The following SLC35F1 variants were observed in gnomAD, a reference collection of about 807,000 sequenced individuals.
SLC35F1 encodes the protein chromosome 6 open reading frame 169.
Under a neutral mutation model 48.7 loss-of-function variants are expected in SLC35F1, and 14 were observed. The observed-to-expected ratio is 0.29, with a 90% CI of 0.19 to 0.45. SLC35F1 has a LOEUF of 0.45. SLC35F1 is among the 20% of genes least tolerant of loss of function. The pLI is 1.00. For synonymous variants in SLC35F1, 190 were observed against 202.2 expected (o/e 0.94, Z 0.51); for missense variants, 404 against 500.0 (o/e 0.81, Z 1.83).
intron 2 of SLC35F1, among the ~76,000 whole-genome samples, chr6:118,200,529 G>T (rs1335734070): frequency 1.3e-5 from 2 of 152,062 alleles, no homozygotes; most frequent in Non-Finnish European, 2.9e-5. Flanking sequence ...TCATACCAGG[G>T]TTAAGTAATA....
chr6:118,213,320 T>G (rs1021688773), intron 2 of SLC35F1, among the ~76,000 whole-genome samples: 14 of 152,294 alleles, frequency 9.2e-5, no homozygotes, highest in Non-Finnish European at 2.1e-4. Flanking sequence ...ATTATCCTCT[T>G]TGTTTGTTGT....
At chr6:117,933,656 G>C (rs1776129494) in intron 1 of SLC35F1, among the ~76,000 whole-genome samples, 1 of 152,170 alleles carries the variant, frequency 6.6e-6, no homozygotes, top group African/African-American at 2.4e-5. Flanking sequence ...CTGCTTTTGT[G>C]CTCTGATTGC....
intron 1 of SLC35F1, among the ~76,000 whole-genome samples, chr6:118,131,445 T>C (rs1172554645): frequency 6.6e-6 from 1 of 152,190 alleles, no homozygotes; most frequent in African/African-American, 2.4e-5. Flanking sequence ...GCCATTAAGT[T>C]ATAATAACAT....
intron 2 of SLC35F1, among the ~76,000 whole-genome samples, chr6:118,227,534 TA>T (rs1344728755): frequency 6.6e-6 from 1 of 152,244 alleles, no homozygotes; most frequent in African/African-American, 2.4e-5. Context: ...TTTTCCATAG[TA>T]CTCAGCTTAA....
intron 6 of SLC35F1, among the ~76,000 whole-genome samples, chr6:118,279,589 A>G (rs1582767135): frequency 6.6e-6 from 1 of 152,236 alleles, no homozygotes; most frequent in Non-Finnish European, 1.5e-5. Flanking sequence ...CAATGGCAGG[A>G]GACTTTAAGC....
chr6:118,234,620 G>A (rs1391114903), intron 2 of SLC35F1, among the ~76,000 whole-genome samples: 2 of 152,138 alleles, frequency 1.3e-5, no homozygotes, highest in Non-Finnish European at 2.9e-5. Flanking sequence ...AAAACTGCGA[G>A]ATAATCAGTA....
intron 2 of SLC35F1, among the ~76,000 whole-genome samples, chr6:118,193,972 TA>T (rs942351707): frequency 6.6e-6 from 1 of 152,244 alleles, no homozygotes; most frequent in African/African-American, 2.4e-5. Context: ...TCACATGAAC[TA>T]AAAGCCATTA....
intron 7 of SLC35F1, among the ~76,000 whole-genome samples, chr6:118,297,312 T>G (rs1776198408): frequency 6.6e-6 from 1 of 152,178 alleles, no homozygotes; most frequent in African/African-American, 2.4e-5. Context: ...CTGAATTTAT[T>G]TTGATTAATC....
intron 1 of SLC35F1, among the ~76,000 whole-genome samples, chr6:117,923,630 T>TATGTATATATAC (rs1562238543): frequency 4.4e-5 from 4 of 90,822 alleles, no homozygotes; most frequent in East Asian, 3.1e-4. Context: ...TATATATACA[T>TATGTATATATAC]ATATGTACAT....
At chr6:118,263,467 A>G (rs968102137) in intron 3 of SLC35F1, among the ~76,000 whole-genome samples, 1 of 152,228 alleles carries the variant, frequency 6.6e-6, no homozygotes. Context: ...GAAAAAAGGA[A>G]TCTATGTAAA....
At chr6:118,089,948 A>C (rs1213265682) in intron 1 of SLC35F1, among the ~76,000 whole-genome samples, 1 of 152,236 alleles carries the variant, frequency 6.6e-6, no homozygotes, top group Non-Finnish European at 1.5e-5. Context: ...AATGATTAAA[A>C]CAGCAGCTGG....
rs1478851855 is a variant in SLC35F1 at position 117,907,643 on chromosome 6, C to T, written c.-84C>T. On this transcript the variant is annotated 5_prime_UTR_variant, in exon 1 of 8. Transcript: ENST00000360388. ...CCGGGCCGCGGCCGCCCGGCCGGGT[C>T]CTCTGCGCGTTCCCGGGCCCGGAAC... The T allele has an allele frequency of 2.5e-6, 2 of 799,906 alleles. No individual in the cohort carries two copies. The highest frequency in any genetic ancestry group is 3.9e-5 in the Admixed American group (1 of 25,680). The allele number at this position is 799,906 out of a possible 1,614,324, so 49.6% of individuals were successfully genotyped here. A position where few individuals can be genotyped will look rare whatever the true frequency, so the allele number is the denominator to read the frequency against.
At chr6:117,956,860 T>G (rs1408839125) in intron 1 of SLC35F1, among the ~76,000 whole-genome samples, 1 of 152,188 alleles carries the variant, frequency 6.6e-6, no homozygotes, top group African/African-American at 2.4e-5. Context: ...TTTTCTGTAT[T>G]TTCTTCAAGC....
At chr6:118,195,848 G>C (rs1774793888) in intron 2 of SLC35F1, among the ~76,000 whole-genome samples, 1 of 152,192 alleles carries the variant, frequency 6.6e-6, no homozygotes, top group Non-Finnish European at 1.5e-5. Context: ...TGCTCTGAGA[G>C]ATCAGCGGAC....
chr6:118,122,470 G>C (rs1166241171), intron 1 of SLC35F1, among the ~76,000 whole-genome samples: 1 of 152,150 alleles, frequency 6.6e-6, no homozygotes, highest in Non-Finnish European at 1.5e-5. Flanking sequence ...CACAGTATAA[G>C]GTACCAAGTG....
intron 7 of SLC35F1, among the ~76,000 whole-genome samples, chr6:118,312,718 T>C (rs1402104473): frequency 6.6e-6 from 1 of 152,180 alleles, no homozygotes; most frequent in Non-Finnish European, 1.5e-5. Flanking sequence ...GATACCTTTT[T>C]TTATGAGCCA....
chr6:118,171,731 T>C (rs190670392), intron 2 of SLC35F1, among the ~76,000 whole-genome samples: 123 of 152,342 alleles, frequency 8.1e-4, no homozygotes, highest in African/African-American at 2.6e-3. Context: ...AAAATGAGCT[T>C]CCTTTTATAT....
rs572119245 is a variant in SLC35F1, at chr6:118,203,459, A to G, written c.350-32050A>G. Reference sequence around the variant, plus strand: ...ACCTCTTCTGTAAGTGGCTTGCTGTAGTCTCTTTCTATTATTTTATTCTCT... The same window carrying G: ...ACCTCTTCTGTAAGTGGCTTGCTGTGGTCTCTTTCTATTATTTTATTCTCT... On this transcript the variant is annotated intron_variant, in intron 2 of 7. Coordinates refer to ENST00000360388, the MANE Select transcript of SLC35F1 (RefSeq NM_001029858.4). Among the ~76,000 whole-genome samples, 33 of 152,362 alleles carry G rather than the reference A, an allele frequency of 2.2e-4. No homozygotes were observed. The South Asian group carries it at 2.9e-3, about 13-fold the overall frequency.
chr6:118,201,935 A>G (rs1322817854), intron 2 of SLC35F1, among the ~76,000 whole-genome samples: 1 of 152,214 alleles, frequency 6.6e-6, no homozygotes, highest in Middle Eastern at 3.2e-3. Flanking sequence ...TGTAGCATGT[A>G]TTATCACTTC....
Sources: gnomAD v4.1 joint callset for allele counts (sites outside exome capture counted in the v4.1 genomes callset) on GRCh38, gnomAD v4.1.1 for gene constraint, MANE v1.5 for transcripts, NCBI Gene and HGNC (gene_info 2026-07-23, HGNC 2026-07-21) for gene names.